TRAPPC9: variants seen among roughly 807,000 people sequenced by gnomAD.
TRAPPC9 encodes the protein trafficking protein particle complex subunit 9.
In TRAPPC9, 83 loss-of-function variants were observed where a neutral mutation model predicts 124.0. The ratio of observed to expected loss-of-function variants is 0.67; its 90% CI spans 0.56 to 0.80. The LOEUF (loss-of-function observed/expected upper bound fraction) is 0.80, where lower values mean the gene tolerates loss of function less well. Among genes scored for constraint, TRAPPC9 ranks in the 30% least tolerant of loss-of-function variants. TRAPPC9 has a pLI of 0.00. For missense variants in TRAPPC9, 1,302 were observed against 1,508.3 expected (o/e 0.86, Z 2.27); for synonymous variants, 638 against 617.5 (o/e 1.03, Z -0.49).
rs1373624597 is a variant in TRAPPC9 at position 139,924,940 on chromosome 8, C to T, written c.2811-14640G>A. Reference sequence around the variant, plus strand: ...TGACTTTCATGAGCAGGGGGGTCAGCGGTGTTCAGTGTGGCCCCAGAGGGT... The same window carrying T: ...TGACTTTCATGAGCAGGGGGGTCAGTGGTGTTCAGTGTGGCCCCAGAGGGT... On this transcript the variant is annotated intron_variant, in intron 19 of 22. Coordinates refer to ENST00000438773, the MANE Select transcript of TRAPPC9 (RefSeq NM_001160372.4). Among the ~76,000 whole-genome samples the T allele has an allele frequency of 5.3e-5, 8 of 152,200 alleles. No individual in the cohort carries two copies. The South Asian group carries it at 8.3e-4, about 16-fold the overall frequency.
At chr8:139,859,501 G>T (rs1159683137) in intron 21 of TRAPPC9, among the ~76,000 whole-genome samples, 1 of 152,202 alleles carries the variant, frequency 6.6e-6, no homozygotes, top group East Asian at 1.9e-4. Context: ...TCAGAAAGAA[G>T]GAAAATTCAT....
chr8:139,769,118 A>G (rs2130427560), intron 21 of TRAPPC9, among the ~76,000 whole-genome samples: 1 of 152,312 alleles, frequency 6.6e-6, no homozygotes, highest in East Asian at 1.9e-4. Context: ...GCTTTGTTAG[A>G]AAAACTACTA....
chr8:139,862,257 G>T (rs1004211572), intron 21 of TRAPPC9, among the ~76,000 whole-genome samples: 1 of 152,246 alleles, frequency 6.6e-6, no homozygotes, highest in African/African-American at 2.4e-5. Flanking sequence ...GCCTGTGTTT[G>T]CCCTGCCCCA....
At chr8:140,009,049 C>T (rs1838948043) in intron 18 of TRAPPC9, among the ~76,000 whole-genome samples, 5 of 152,090 alleles carry the variant, frequency 3.3e-5, no homozygotes, top group Admixed American at 6.5e-5. Context: ...CATCTAAGGA[C>T]GGGAAAAGGG....
chr8:139,961,233 A>G (rs1304136396), intron 19 of TRAPPC9, among the ~76,000 whole-genome samples: 1 of 124,896 alleles, frequency 8.0e-6, no homozygotes, highest in African/African-American at 2.5e-5. Flanking sequence ...CTGTGAGCAC[A>G]CAGGCTCTGG....
chr8:140,257,489 C>G lies in TRAPPC9; in HGVS notation c.2279-4560G>C, dbSNP rs1244763129. Reference sequence around the variant, plus strand: ...GAAAAGAAGCCTCCCCAGACAGGAGCCCAGGAGTGGGAAAAAGGACCCCGT... The same window carrying G: ...GAAAAGAAGCCTCCCCAGACAGGAGGCCAGGAGTGGGAAAAAGGACCCCGT... On this transcript the variant is annotated intron_variant, in intron 15 of 22. Coordinates refer to ENST00000438773, the MANE Select transcript of TRAPPC9 (RefSeq NM_001160372.4). This position sits in a 1 kb window ranked among gnomAD's most constrained non-coding sequence, Gnocchi z 4.6. Among the ~76,000 whole-genome samples, 1 of 92,612 alleles carries G rather than the reference C, an allele frequency of 1.1e-5. No individual in the cohort carries two copies. Among genetic ancestry groups the G allele is most frequent in the Non-Finnish European group, 2.2e-5 (1 of 44,540 alleles). 60.8% of individuals were successfully genotyped at this position (92,612 alleles called of 152,430 possible).
intron 17 of TRAPPC9, among the ~76,000 whole-genome samples, chr8:140,042,395 T>C (rs1402969796): frequency 6.6e-6 from 1 of 152,204 alleles, no homozygotes; most frequent in African/African-American, 2.4e-5. Flanking sequence ...AAAACAATCA[T>C]TCAAAATGTG....
At chr8:139,994,982 T>TA (rs1837875007) in intron 18 of TRAPPC9, among the ~76,000 whole-genome samples, 8 of 15,546 alleles carry the variant, frequency 5.1e-4, no homozygotes, top group East Asian at 7.1e-3. Flanking sequence ...TGGTTTGTGT[T>TA]TAAAAAAAAA....
chr8:140,189,686 T>C (rs996410041), intron 17 of TRAPPC9, among the ~76,000 whole-genome samples: 5 of 119,226 alleles, frequency 4.2e-5, no homozygotes, highest in African/African-American at 1.5e-4. Context: ...TCTTCCCAAG[T>C]TTCCAGATTT....
chr8:140,439,280 T>G, intron 2 of TRAPPC9, 83 bp from the exon 3 acceptor site: 1 of 1,488,858 alleles, frequency 6.7e-7, no homozygotes, highest in Non-Finnish European at 9.3e-7. Flanking sequence ...TTCAATTCTC[T>G]CACTACTAAA....
intron 17 of TRAPPC9, among the ~76,000 whole-genome samples, chr8:140,028,717 TCTGGTA>T (rs1840312033): frequency 6.6e-6 from 1 of 152,170 alleles, no homozygotes; most frequent in South Asian, 2.1e-4. Flanking sequence ...GGCACTCGAG[TCTGGTA>T]AAAGAAACAA....
At chr8:140,009,010 A>G (rs1178266719) in intron 18 of TRAPPC9, among the ~76,000 whole-genome samples, 2 of 152,212 alleles carry the variant, frequency 1.3e-5, no homozygotes, top group Non-Finnish European at 2.9e-5. Flanking sequence ...TCAAACCAAG[A>G]GAATCTAAAA....
intron 21 of TRAPPC9, among the ~76,000 whole-genome samples, chr8:139,781,386 A>G (rs1398204501): frequency 6.6e-6 from 1 of 152,248 alleles, no homozygotes; most frequent in Admixed American, 6.5e-5. Context: ...TACTACGTAA[A>G]TGAAGCCAAT....
At position 139,729,428 on chromosome 8, in the gene TRAPPC9, G is replaced by A. The variant is rs1033154448; in HGVS notation, c.*1633C>T. 6.6e-6 allele frequency among the ~76,000 whole-genome samples: 1 copy of A among 152,210 alleles called. No individual in the cohort carries two copies. The highest frequency in any genetic ancestry group is 6.5e-5 in the Admixed American group (1 of 15,292). On this transcript the variant is annotated 3_prime_UTR_variant, in exon 23 of 23. Transcript: ENST00000438773. ...CTGAGGCATCCTGAACGGAAGGGCTGAAGAGACCGCCCTGGGGTCTCCACC... is the reference window on the plus strand; with the variant it reads ...CTGAGGCATCCTGAACGGAAGGGCTAAAGAGACCGCCCTGGGGTCTCCACC...
chr8:140,452,070 A>G (rs10106253), intron 1 of TRAPPC9, among the ~76,000 whole-genome samples: 83,300 of 149,850 alleles, frequency 0.56, 23,309 homozygotes, highest in Non-Finnish European at 0.57. Context: ...GCAGTGAGCC[A>G]AGATTGCGCC....
At chr8:139,791,246 C>G (rs1320916118) in intron 21 of TRAPPC9, among the ~76,000 whole-genome samples, 1 of 152,170 alleles carries the variant, frequency 6.6e-6, no homozygotes, top group Non-Finnish European at 1.5e-5. Flanking sequence ...CACACTCGCA[C>G]TCTAACACGC....
intron 16 of TRAPPC9, among the ~76,000 whole-genome samples, chr8:140,221,853 G>GTTTTGT (rs1002753204): frequency 6.6e-6 from 1 of 152,150 alleles, no homozygotes; most frequent in Non-Finnish European, 1.5e-5. Context: ...GCCCAGGCTG[G>GTTTTGT]TTTTGTTTTT....
At position 139,926,614 on chromosome 8, in the gene TRAPPC9, A is replaced by AAT. The variant is rs1554674041; in HGVS notation, c.2811-16315_2811-16314insAT. ...AAATACAATGAATTAAAATAAAAAA[A>AAT]AAAAAAAAACTCCTGAATAGCTTGA... is the stretch of plus-strand genomic sequence containing the variant. On this transcript the variant is annotated intron_variant, in intron 19 of 22. Transcript: ENST00000438773. Among the ~76,000 whole-genome samples the AAT allele has an allele frequency of 2.0e-5, 3 of 151,552 alleles. 1 individual carries two copies. The highest frequency in any genetic ancestry group is 4.2e-4 in the South Asian group (2 of 4,812).
chr8:140,032,429 A>G lies in TRAPPC9; in HGVS notation c.2557-8350T>C, dbSNP rs149821243. On this transcript the variant is annotated intron_variant, in intron 17 of 22. Coordinates refer to ENST00000438773, the MANE Select transcript of TRAPPC9 (RefSeq NM_001160372.4). ...CCTCCCCCCCCACCCTCCTCCAGCC[A>G]GCACCACCTTGCAATAAATACATAA... 5.4e-5 allele frequency among the ~76,000 whole-genome samples: 8 copies of G among 148,506 alleles called. No homozygotes were observed. In the East Asian group the frequency reaches 1.7e-3, roughly 32 times the overall value.
Sources: gnomAD v4.1 joint callset for allele counts (sites outside exome capture counted in the v4.1 genomes callset) on GRCh38, gnomAD v4.1.1 for gene constraint, Gnocchi (gnomAD v3.1) non-coding constraint, MANE v1.5 for transcripts, NCBI Gene and HGNC (gene_info 2026-07-23, HGNC 2026-07-21) for gene names.